Variants in LSP1 observed in about 807,000 individuals in gnomAD.
LSP1 encodes lymphocyte specific protein 1, also known as lymphocyte-specific protein 1.
In LSP1, 32 loss-of-function variants were observed where a neutral mutation model predicts 49.3. The observed-to-expected ratio is 0.65, with a 90% CI of 0.49 to 0.87. The LOEUF (loss-of-function observed/expected upper bound fraction) is 0.87, where lower values mean the gene tolerates loss of function less well. Among genes scored for constraint, LSP1 ranks in the 40% least tolerant of loss-of-function variants. LSP1 has a pLI of 0.00. For missense variants in LSP1, 428 were observed against 442.6 expected (o/e 0.97, Z 0.30); for synonymous variants, 179 against 178.8 (o/e 1.00, Z -0.01).
Position 1,887,196 on chromosome 11 carries a change from C to T in LSP1, c.853-41C>T, listed in dbSNP as rs1313785270. 4.3e-6 allele frequency: 6 copies of T among 1,391,630 alleles called. No homozygotes were observed. In the Admixed American group the frequency reaches 1.2e-4, roughly 28 times the overall value. The allele number at this position is 1,391,630 out of a possible 1,614,324, so 86.2% of individuals were successfully genotyped here. A position where few individuals can be genotyped will look rare whatever the true frequency, so the allele number is the denominator to read the frequency against. Reference sequence around the variant, plus strand: ...CCCAGGGCTTCTACTCCCCAAGATCCAGGGGTCTGCCCTTGTGACATACCC... The same window carrying T: ...CCCAGGGCTTCTACTCCCCAAGATCTAGGGGTCTGCCCTTGTGACATACCC... On this transcript the variant is annotated intron_variant, in intron 8 of 10. Transcript: ENST00000311604.
intron 3 of LSP1, 67 bp from the exon 4 acceptor site, chr11:1,883,352 A>G (rs1848625233): frequency 1.3e-6 from 2 of 1,575,430 alleles, no homozygotes; most frequent in Non-Finnish European, 1.7e-6. Flanking sequence ...GAGGCTTGGA[A>G]AAAGGAAGGG....
intron 1 of LSP1, among the ~76,000 whole-genome samples, chr11:1,858,630 A>G (rs1367434486): frequency 3.3e-5 from 5 of 152,214 alleles, no homozygotes; most frequent in Admixed American, 3.3e-4. Flanking sequence ...GATACTTAGA[A>G]GAGAGGGAAG....
intron 1 of LSP1, among the ~76,000 whole-genome samples, chr11:1,878,818 A>AC (rs1462187396): frequency 1.3e-5 from 2 of 151,700 alleles, no homozygotes; most frequent in East Asian, 1.9e-4. Context: ...GAGACCCTGG[A>AC]CCCCCTCTCA....
chr11:1,887,653 C>T (rs1848813849), intron 10 of LSP1, 77 bp downstream of exon 10: 5 of 1,154,002 alleles, frequency 4.3e-6, no homozygotes, highest in East Asian at 2.4e-5. Context: ...AACCTGGAGG[C>T]TGCCTGGAGC....
At position 1,880,068 on chromosome 11, in the gene LSP1, C is replaced by T. The variant is rs758887041; in HGVS notation, c.54-19C>T. The T allele has an allele frequency of 2.5e-6, 4 of 1,606,184 alleles. No homozygotes were observed. The South Asian group carries it at 3.3e-5, about 13-fold the overall frequency. On this transcript the variant is annotated intron_variant, in intron 1 of 10. Transcript: ENST00000311604. Reference sequence around the variant, plus strand: ...CTGTGTCGGCTGTGGCGTGACTGTCCCTCTGTGTCCCCCACTAGGCCCACT... The same window carrying T: ...CTGTGTCGGCTGTGGCGTGACTGTCTCTCTGTGTCCCCCACTAGGCCCACT...
intron 10 of LSP1, 110 bp from the exon 11 acceptor site, chr11:1,891,663 C>G (rs1237593453): frequency 1.3e-5 from 2 of 154,230 alleles, no homozygotes; most frequent in Non-Finnish European, 2.9e-5. Flanking sequence ...GCAGGGAGGC[C>G]AGCAGAGAGA....
chr11:1,853,222 C>G, intron 1 of LSP1, 25 bp downstream of exon 1: 1 of 1,601,326 alleles, frequency 6.2e-7, no homozygotes, highest in Non-Finnish European at 8.5e-7. Flanking sequence ...CGACGCCCGG[C>G]GCCCTGTGCC....
chr11:1,877,554 C>T (rs1297742883), intron 1 of LSP1, among the ~76,000 whole-genome samples: 3 of 152,212 alleles, frequency 2.0e-5, no homozygotes, highest in East Asian at 1.9e-4. Context: ...GGGCCGGCAC[C>T]GCCGTTGTCG....
chr11:1,889,726 TG>T, intron 10 of LSP1: 1 of 653,336 alleles, frequency 1.5e-6, no homozygotes. Flanking sequence ...CCAGGGCCCA[TG>T]GGGACCAGGC....
At chr11:1,876,989 C>T (rs1029934239) in intron 1 of LSP1, among the ~76,000 whole-genome samples, 30 of 152,160 alleles carry the variant, frequency 2.0e-4, no homozygotes, top group African/African-American at 6.0e-4. Context: ...CCTTGGGCTT[C>T]GGAGCCAGAA....
At chr11:1,868,197 G>A (rs1181071405) in intron 1 of LSP1, among the ~76,000 whole-genome samples, 1 of 152,252 alleles carries the variant, frequency 6.6e-6, no homozygotes, top group Non-Finnish European at 1.5e-5. Flanking sequence ...TGCTACCTGT[G>A]GGGTCCTGGC....
At chr11:1,885,896 C>T (rs1848730458) in intron 7 of LSP1, among the ~76,000 whole-genome samples, 1 of 151,996 alleles carries the variant, frequency 6.6e-6, no homozygotes, top group African/African-American at 2.4e-5. Flanking sequence ...CCCCTTCAAC[C>T]AACCAATACT....
chr11:1,889,324 T>C (rs1480634948), intron 10 of LSP1: 3 of 709,694 alleles, frequency 4.2e-6, no homozygotes, highest in Non-Finnish European at 7.8e-6. Flanking sequence ...TCCCCACCGC[T>C]GGGCCCTGCC....
At chr11:1,877,845 G>T (rs546709501) in intron 1 of LSP1, among the ~76,000 whole-genome samples, 2 of 151,926 alleles carry the variant, frequency 1.3e-5, no homozygotes, top group Non-Finnish European at 2.9e-5. Flanking sequence ...GCGCCCGGCC[G>T]CACTCCATGT....
intron 1 of LSP1, chr11:1,876,525 C>T (rs889163670): frequency 1.5e-5 from 15 of 985,450 alleles, no homozygotes; most frequent in Middle Eastern, 5.2e-4. Context: ...CCTCTCCAGC[C>T]GCCCTCTGGG....
intron 1 of LSP1, chr11:1,869,290 T>G (rs1004971755): frequency 3.7e-6 from 1 of 266,866 alleles, no homozygotes; most frequent in Non-Finnish European, 7.5e-6. Context: ...ACCCTGTGCC[T>G]GGGGCTGTGA....
chr11:1,885,244 T>C (rs1848707686), intron 7 of LSP1, among the ~76,000 whole-genome samples: 1 of 151,834 alleles, frequency 6.6e-6, no homozygotes, highest in Non-Finnish European at 1.5e-5. Flanking sequence ...ATCCAATGAA[T>C]GGCTCACCAT....
At chr11:1,890,391 G>A in intron 10 of LSP1, 2 of 717,054 alleles carry the variant, frequency 2.8e-6, no homozygotes, top group South Asian at 3.0e-5. Flanking sequence ...GGGGGACAGG[G>A]AGGTGCGGAA....
intron 1 of LSP1, chr11:1,870,078 C>A (rs565847912): frequency 4.4e-6 from 2 of 453,568 alleles, no homozygotes; most frequent in Non-Finnish European, 9.2e-6. Context: ...CCCTGGCGAC[C>A]ATTGTGAGGA....
Sources: gnomAD v4.1 joint callset for allele counts (sites outside exome capture counted in the v4.1 genomes callset) on GRCh38, gnomAD v4.1.1 for gene constraint, MANE v1.5 for transcripts, NCBI Gene and HGNC (gene_info 2026-07-23, HGNC 2026-07-21) for gene names.